FBXW8: variants seen among roughly 807,000 people sequenced by gnomAD.
FBXW8 encodes F-box and WD repeat domain containing 8.
In FBXW8, 57 loss-of-function variants were observed where a neutral mutation model predicts 65.3. The observed-to-expected ratio is 0.87, with a 90% CI of 0.71 to 1.09. The LOEUF (loss-of-function observed/expected upper bound fraction) is 1.09, where lower values mean the gene tolerates loss of function less well. Among genes scored for constraint, FBXW8 ranks in the 50% least tolerant of loss-of-function variants. The probability of loss-of-function intolerance (pLI) is 0.00; values close to 1 mark genes in which losing one functional copy is unlikely to be tolerated. For missense variants in FBXW8, 777 were observed against 814.8 expected (o/e 0.95, Z 0.57); for synonymous variants, 308 against 330.2 (o/e 0.93, Z 0.73).
At chr12:116,971,214 C>G (rs764342298) in intron 5 of FBXW8, among the ~76,000 whole-genome samples, 2 of 151,946 alleles carry the variant, frequency 1.3e-5, no homozygotes, top group African/African-American at 2.4e-5. Flanking sequence ...AATGAACTAG[C>G]TGGGCATGGT....
At chr12:116,929,425 C>T (rs116470077) in intron 2 of FBXW8, among the ~76,000 whole-genome samples, 2,300 of 151,244 alleles carry the variant, frequency 0.015, 53 homozygotes, top group African/African-American at 0.047. Context: ...AGTAGAGACA[C>T]GATTTTGTCA....
chr12:116,939,707 C>T (rs1168305300), intron 2 of FBXW8, among the ~76,000 whole-genome samples: 1 of 152,192 alleles, frequency 6.6e-6, no homozygotes, highest in African/African-American at 2.4e-5. Flanking sequence ...TGAGCACGTT[C>T]TGCCTTTGAG....
chr12:116,988,144 G>A (rs1953142309), intron 6 of FBXW8, among the ~76,000 whole-genome samples: 2 of 152,262 alleles, frequency 1.3e-5, no homozygotes, highest in South Asian at 4.1e-4. Context: ...AGACACAATT[G>A]TACTACAGTT....
At chr12:116,941,139 C>A (rs74826106) in intron 2 of FBXW8, among the ~76,000 whole-genome samples, 1 of 152,210 alleles carries the variant, frequency 6.6e-6, no homozygotes, top group Admixed American at 6.5e-5. Context: ...TTCAGACTGC[C>A]TGTTGTTAGA....
intron 1 of FBXW8, among the ~76,000 whole-genome samples, chr12:116,917,852 T>C (rs991698932): frequency 1.3e-5 from 2 of 151,660 alleles, no homozygotes; most frequent in African/African-American, 4.8e-5. Context: ...ATTAGCCGGG[T>C]GTGGTGGCAC....
intron 7 of FBXW8, among the ~76,000 whole-genome samples, chr12:116,994,909 A>T (rs774487171): frequency 3.3e-4 from 50 of 152,312 alleles, no homozygotes; most frequent in South Asian, 8.3e-4. Context: ...ATGTGCCTCC[A>T]TGATTTTGAT....
At chr12:116,949,979 A>G in intron 4 of FBXW8, 1 of 375,202 alleles carries the variant, frequency 2.7e-6, no homozygotes, top group South Asian at 4.8e-5. Flanking sequence ...GTGGCATGTT[A>G]TGTGAGATTT....
intron 1 of FBXW8, among the ~76,000 whole-genome samples, chr12:116,916,638 C>G (rs1305745503): frequency 6.6e-6 from 1 of 152,102 alleles, no homozygotes; most frequent in Non-Finnish European, 1.5e-5. Context: ...TGGCACATGC[C>G]TGTACTCCCA....
At chr12:116,965,175 A>T (rs1242775502) in intron 5 of FBXW8, among the ~76,000 whole-genome samples, 3 of 152,354 alleles carry the variant, frequency 2.0e-5, no homozygotes, top group Non-Finnish European at 2.9e-5. Flanking sequence ...AATATTAAAT[A>T]TACTTGGCCT....
chr12:116,970,318 G>A (rs868762492), intron 5 of FBXW8, among the ~76,000 whole-genome samples: 5 of 152,220 alleles, frequency 3.3e-5, no homozygotes, highest in Admixed American at 2.0e-4. Flanking sequence ...AAGCCTGGAC[G>A]GGACAGCCAG....
At chr12:116,953,889 G>T (rs919341911) in intron 4 of FBXW8, among the ~76,000 whole-genome samples, 4 of 152,134 alleles carry the variant, frequency 2.6e-5, no homozygotes, top group African/African-American at 9.7e-5. Flanking sequence ...GCCTAGGCGG[G>T]CAGATCATGA....
intron 9 of FBXW8, among the ~76,000 whole-genome samples, chr12:117,025,086 A>T (rs1213853309): frequency 1.3e-5 from 2 of 152,136 alleles, no homozygotes; most frequent in African/African-American, 4.8e-5. Flanking sequence ...CCCACCTGCC[A>T]CCACCTCTAC....
intron 5 of FBXW8, among the ~76,000 whole-genome samples, chr12:116,974,148 C>G (rs1884789308): frequency 1.3e-5 from 2 of 152,148 alleles, no homozygotes; most frequent in Admixed American, 6.5e-5. Context: ...CTCAGGGAAG[C>G]CAAGGTGGAT....
intron 8 of FBXW8, among the ~76,000 whole-genome samples, chr12:117,018,713 A>G (rs904319291): frequency 1.3e-5 from 2 of 152,282 alleles, no homozygotes; most frequent in African/African-American, 4.8e-5. Context: ...CCTTAGTGAT[A>G]TAAAATACAC....
At position 117,029,318 on chromosome 12, in the gene FBXW8, T is replaced by C. The variant is rs572414682; in HGVS notation, c.*1146T>C. ...TCTAGGAATTGACTCCAATGCAGAATAGTGAGAAATCAACAAAAAGCAAAA... is the reference window on the plus strand; with the variant it reads ...TCTAGGAATTGACTCCAATGCAGAACAGTGAGAAATCAACAAAAAGCAAAA... On this transcript the variant is annotated 3_prime_UTR_variant, in exon 11 of 11. Coordinates refer to ENST00000652555, the MANE Select transcript of FBXW8 (RefSeq NM_153348.3). 1.3e-5 allele frequency: 2 copies of C among 152,328 alleles called. No individual in the cohort carries two copies. Among genetic ancestry groups the C allele is most frequent in the African/African-American group, 4.8e-5 (2 of 41,566 alleles). The allele number at this position is 152,328 out of a possible 1,614,324, so 9.4% of individuals were successfully genotyped here.
intron 4 of FBXW8, chr12:116,950,377 TACTTA>T (rs908623497): frequency 6.3e-4 from 96 of 152,282 alleles, no homozygotes; most frequent in African/African-American, 2.1e-3. Context: ...TCAGACTGTA[TACTTA>T]ATGCCATAAA....
chr12:117,030,665 C>G lies in FBXW8; in HGVS notation c.*2493C>G, dbSNP rs1248911777. The G allele has an allele frequency of 6.6e-6, 1 of 152,124 alleles. No individual in the cohort carries two copies. The highest frequency in any genetic ancestry group is 1.5e-5 in the Non-Finnish European group (1 of 68,028). 9.4% of individuals were successfully genotyped at this position (152,124 alleles called of 1,614,324 possible). On this transcript the variant is annotated 3_prime_UTR_variant, in exon 11 of 11. Coordinates refer to ENST00000652555, the MANE Select transcript of FBXW8 (RefSeq NM_153348.3). The stretch of plus-strand genomic sequence containing the variant: ...CAGCTGGCCCAGTGTAAAAATGTCC[C>G]AAGTGTAGCCCCTCCCACCGCAGAG...
chr12:116,947,031 G>T (rs991173840), intron 3 of FBXW8, among the ~76,000 whole-genome samples: 5 of 152,148 alleles, frequency 3.3e-5, no homozygotes, highest in Non-Finnish European at 5.9e-5. Context: ...AGCAGCAGCT[G>T]TGTTTTTTGC....
At chr12:116,964,571 G>A in intron 4 of FBXW8, 126 bp from the exon 5 acceptor site, 1 of 1,018,404 alleles carries the variant, frequency 9.8e-7, no homozygotes, top group Non-Finnish European at 1.5e-6. Flanking sequence ...TCTAAACAGT[G>A]CCTCAGCAGT....
Sources: gnomAD v4.1 joint callset for allele counts (sites outside exome capture counted in the v4.1 genomes callset) on GRCh38, gnomAD v4.1.1 for gene constraint, MANE v1.5 for transcripts, NCBI Gene and HGNC (gene_info 2026-07-23, HGNC 2026-07-21) for gene names.